MYO3B: variants seen among roughly 807,000 people sequenced by gnomAD.
MYO3B encodes myosin IIIB, also known as myosin-IIIb.
A neutral mutation model predicts 174.6 loss-of-function variants in MYO3B; 156 were observed. The observed-to-expected ratio is 0.89, with a 90% CI of 0.78 to 1.02. The LOEUF (loss-of-function observed/expected upper bound fraction) is 1.02, where lower values mean the gene tolerates loss of function less well. Ranked by LOEUF, MYO3B falls within the 50% of genes least tolerant of loss-of-function variation. The probability of loss-of-function intolerance (pLI) is 0.00; values close to 1 mark genes in which losing one functional copy is unlikely to be tolerated. For missense variants in MYO3B, 1,632 were observed against 1,639.4 expected, an observed-to-expected ratio of 1.00 and a Z score of 0.08; for synonymous variants, 563 against 569.1, an observed-to-expected ratio of 0.99 and a Z score of 0.15.
At chr2:170,393,817 A>G (rs1240111974) in intron 16 of MYO3B, among the ~76,000 whole-genome samples, 1 of 152,180 alleles carries the variant, frequency 6.6e-6, no homozygotes, top group Non-Finnish European at 1.5e-5. Flanking sequence ...AGACAATGGA[A>G]AATCCCAAAG....
chr2:170,637,812 G>A (rs184989811), intron 32 of MYO3B, among the ~76,000 whole-genome samples: 2 of 152,102 alleles, frequency 1.3e-5, no homozygotes, highest in East Asian at 1.9e-4. Context: ...ATTTTATAAT[G>A]TAATGTACTT....
At chr2:170,310,732 G>A (rs185432393) in intron 7 of MYO3B, among the ~76,000 whole-genome samples, 2 of 151,260 alleles carry the variant, frequency 1.3e-5, no homozygotes, top group Admixed American at 6.6e-5. Context: ...ACTTGAAGGT[G>A]GGGGATGGTT....
At position 170,535,816 on chromosome 2, in the gene MYO3B, A is replaced by G. The variant is rs560074037; in HGVS notation, c.3576-7090A>G. On this transcript the variant is annotated intron_variant, in intron 30 of 34. Coordinates refer to ENST00000408978, the MANE Select transcript of MYO3B (RefSeq NM_138995.5). ...CACCACAAATTCCACCTGAGCTCAC[A>G]TAAAGCTCAGCTGTTCTAGCCATGC... 3.3e-5 allele frequency among the ~76,000 whole-genome samples: 5 copies of G among 152,338 alleles called. No homozygotes were observed. The South Asian group carries it at 8.3e-4, about 25-fold the overall frequency.
In MYO3B at chr2:170,407,705, C is replaced by T. The variant is rs780252043; in HGVS notation, c.2521-10C>T. 1 of 1,609,412 alleles carries T rather than the reference C, an allele frequency of 6.2e-7. No individual in the cohort carries two copies. Among genetic ancestry groups the T allele is most frequent in the Non-Finnish European group, 8.5e-7 (1 of 1,178,368 alleles). ...CTTGGCTAATTTGCCGTTTGCTATTCATGTTACAGGTATTATATGATGCTT... is the reference window on the plus strand; with the variant it reads ...CTTGGCTAATTTGCCGTTTGCTATTTATGTTACAGGTATTATATGATGCTT... On this transcript the variant is annotated splice_polypyrimidine_tract_variant and intron_variant, in intron 21 of 34. Transcript: ENST00000408978.
chr2:170,287,510 C>G (rs6433190), intron 7 of MYO3B, among the ~76,000 whole-genome samples: 148,772 of 152,212 alleles, frequency 0.98, 72,798 homozygotes, highest in East Asian at 1. Context: ...TCATATGCTT[C>G]TTGGCCATTT....
chr2:170,353,700 G>T (rs1348380874), intron 8 of MYO3B, among the ~76,000 whole-genome samples: 1 of 152,068 alleles, frequency 6.6e-6, no homozygotes, highest in Admixed American at 6.6e-5. Context: ...TCTCAATTTT[G>T]CTGTGAACTT....
chr2:170,543,020 C>A (rs541379249), intron 31 of MYO3B, 54 bp downstream of exon 31: 2 of 1,432,028 alleles, frequency 1.4e-6, no homozygotes, highest in South Asian at 1.2e-5. Flanking sequence ...TCAGACTCAT[C>A]CAAGTTCATA....
chr2:170,303,193 C>G (rs4145332), intron 7 of MYO3B, among the ~76,000 whole-genome samples: 3 of 151,962 alleles, frequency 2.0e-5, no homozygotes, highest in Non-Finnish European at 2.9e-5. Context: ...AAGTTTTCTC[C>G]TACTAAAAAA....
chr2:170,245,408 G>A (rs1007590774), intron 7 of MYO3B, among the ~76,000 whole-genome samples: 1 of 152,172 alleles, frequency 6.6e-6, no homozygotes, highest in Admixed American at 6.5e-5. Context: ...GTTTGATAGA[G>A]CACCCACTAC....
At chr2:170,194,695 T>C (rs774098062) in intron 1 of MYO3B, among the ~76,000 whole-genome samples, 3 of 152,116 alleles carry the variant, frequency 2.0e-5, no homozygotes, top group Non-Finnish European at 4.4e-5. Context: ...GATATACGTA[T>C]ATATGAAAGG....
At chr2:170,377,495 A>C (rs554440352) in intron 9 of MYO3B, among the ~76,000 whole-genome samples, 2 of 152,170 alleles carry the variant, frequency 1.3e-5, no homozygotes, top group Non-Finnish European at 2.9e-5. Context: ...TTGATGGTAC[A>C]GACTTGCCCT....
chr2:170,512,452 C>T (rs1575098346), intron 28 of MYO3B, among the ~76,000 whole-genome samples: 2 of 152,194 alleles, frequency 1.3e-5, no homozygotes, highest in African/African-American at 2.4e-5. Flanking sequence ...GCTTTTGTGC[C>T]TCATCCGTAT....
chr2:170,404,483 T>A, intron 20 of MYO3B, 83 bp downstream of exon 20: 1 of 1,352,880 alleles, frequency 7.4e-7, no homozygotes, highest in Non-Finnish European at 1.0e-6. Context: ...TTAATGAATT[T>A]ACCTTACATA....
intron 21 of MYO3B, among the ~76,000 whole-genome samples, 181 bp from the exon 22 acceptor site, chr2:170,407,529 ATAAGT>A (rs1388001152): frequency 3.4e-5 from 5 of 147,090 alleles, no homozygotes; most frequent in African/African-American, 4.9e-5. Flanking sequence ...CAACTAGACA[ATAAGT>A]TAAGATAAAC....
At chr2:170,271,065 C>G (rs530028483) in intron 7 of MYO3B, among the ~76,000 whole-genome samples, 1 of 152,104 alleles carries the variant, frequency 6.6e-6, no homozygotes, top group Non-Finnish European at 1.5e-5. Flanking sequence ...AAATTGGAGC[C>G]GGTAAAGATT....
intron 32 of MYO3B, chr2:170,646,787 C>T: frequency 1.8e-6 from 1 of 544,238 alleles, no homozygotes; most frequent in Non-Finnish European, 3.2e-6. Flanking sequence ...GTCTTTTAAC[C>T]TTATGGTGTA....
At position 170,400,370 on chromosome 2, in the gene MYO3B, C is replaced by A. The variant is rs1315357843; in HGVS notation, c.1918+56C>A. 40 of 1,576,034 alleles carry A rather than the reference C, an allele frequency of 2.5e-5. 1 individual carries two copies. In the East Asian group the frequency reaches 8.9e-4, roughly 35 times the overall value. ...TTGCCAAAGCACGTGCTTCTTTAGG[C>A]TCTGTAAAATATAATGCAGCATTTG... On this transcript the variant is annotated intron_variant, in intron 17 of 34. Transcript: ENST00000408978.
At position 170,566,664 on chromosome 2, in the gene MYO3B, C is replaced by G. The variant is rs372741273; in HGVS notation, c.3733+22676C>G. On this transcript the variant is annotated intron_variant, in intron 32 of 34. Coordinates refer to ENST00000408978, the MANE Select transcript of MYO3B (RefSeq NM_138995.5). Reference sequence around the variant, plus strand: ...TAAAATATTGAAATCTCTGGAGTTACTAGATCACACAGGTAGAAGAAAGCT... The same window carrying G: ...TAAAATATTGAAATCTCTGGAGTTAGTAGATCACACAGGTAGAAGAAAGCT... Among the ~76,000 whole-genome samples, 314 of 152,144 alleles carry G rather than the reference C, an allele frequency of 2.1e-3. 3 individuals carry two copies. The highest frequency in any genetic ancestry group is 6.9e-3 in the African/African-American group (285 of 41,514).
At chr2:170,322,504 C>T (rs1056691930) in intron 7 of MYO3B, among the ~76,000 whole-genome samples, 1 of 152,206 alleles carries the variant, frequency 6.6e-6, no homozygotes, top group African/African-American at 2.4e-5. Context: ...AGACATGACC[C>T]AAGCCATCCA....
Sources: gnomAD v4.1 joint callset for allele counts (sites outside exome capture counted in the v4.1 genomes callset) on GRCh38, gnomAD v4.1.1 for gene constraint, MANE v1.5 for transcripts, NCBI Gene and HGNC (gene_info 2026-07-23, HGNC 2026-07-21) for gene names.